REEP1: variants seen among roughly 807,000 people sequenced by gnomAD.
REEP1 encodes receptor accessory protein 1.
In REEP1, 22 loss-of-function variants were observed where a neutral mutation model predicts 40.3. That is an observed-to-expected ratio of 0.55 (90% CI 0.39 to 0.78). The LOEUF is 0.78. Among genes scored for constraint, REEP1 ranks in the 30% least tolerant of loss-of-function variants. REEP1 has a pLI of 0.00. For missense variants in REEP1, 280 were observed against 361.1 expected (o/e 0.78, Z 1.82); for synonymous variants, 116 against 139.2 (o/e 0.83, Z 1.17).
chr2:86,295,038 T>A (rs539278688), intron 1 of REEP1, among the ~76,000 whole-genome samples: 489 of 151,090 alleles, frequency 3.2e-3, no homozygotes, highest in Middle Eastern at 0.017. Flanking sequence ...AAACCTATTT[T>A]AAAAAAAAAG....
chr2:86,321,129 A>T (rs934016876), intron 1 of REEP1, among the ~76,000 whole-genome samples: 1 of 152,196 alleles, frequency 6.6e-6, no homozygotes, highest in Non-Finnish European at 1.5e-5. Flanking sequence ...CAAAATGAAG[A>T]GACTTGAAAG....
At chr2:86,320,209 G>A (rs532782212) in intron 1 of REEP1, among the ~76,000 whole-genome samples, 1 of 152,206 alleles carries the variant, frequency 6.6e-6, no homozygotes, top group Non-Finnish European at 1.5e-5. Flanking sequence ...CAGGTGAAGA[G>A]GAAACCGTAT....
At chr2:86,236,573 G>A (rs937853913) in intron 5 of REEP1, among the ~76,000 whole-genome samples, 1 of 152,116 alleles carries the variant, frequency 6.6e-6, no homozygotes, top group African/African-American at 2.4e-5. Context: ...GCACTTTGGA[G>A]GATGAGGGGG....
chr2:86,218,508 C>G (rs144267056), intron 8 of REEP1, among the ~76,000 whole-genome samples: 1 of 152,358 alleles, frequency 6.6e-6, no homozygotes, highest in Non-Finnish European at 1.5e-5. Context: ...TGGACAGACA[C>G]TGAAAACGGA....
At chr2:86,265,214 G>A (rs1340605199) in intron 2 of REEP1, among the ~76,000 whole-genome samples, 1 of 152,216 alleles carries the variant, frequency 6.6e-6, no homozygotes, top group Non-Finnish European at 1.5e-5. Flanking sequence ...AAAGCTCAGA[G>A]TTGAGCAGAG....
At chr2:86,312,059 G>A (rs1402513624) in intron 1 of REEP1, among the ~76,000 whole-genome samples, 1 of 152,030 alleles carries the variant, frequency 6.6e-6, no homozygotes, top group Non-Finnish European at 1.5e-5. Flanking sequence ...GCCAAGACTC[G>A]GGTTCAGCCC....
At chr2:86,334,342 T>C (rs1221047046) in intron 1 of REEP1, among the ~76,000 whole-genome samples, 1 of 152,132 alleles carries the variant, frequency 6.6e-6, no homozygotes, top group Admixed American at 6.5e-5. Context: ...TACATGTTCT[T>C]TGATGTGACA....
rs540194528 is a variant in REEP1, at chr2:86,232,638, G to A, written c.582C>T (p.Ser194=). The change falls in exon 6 of 9, where the codon AGC becomes AGT. Residue 194 remains serine, a synonymous_variant. Coordinates refer to ENST00000538924, the MANE Select transcript of REEP1 (RefSeq NM_001371279.1). The part of the protein sequence containing the change: ...QPKMSRSASE[S]ASSSVCTCCS... ...AGTGACACCTACCTGAGCTGCTAGC[G>A]CTCTCAGAAGCACTCCTGGACATCT... 500 of 1,612,852 alleles carry A rather than the reference G, an allele frequency of 3.1e-4. 8 individuals carry two copies. In the South Asian group the frequency reaches 4.7e-3, roughly 15 times the overall value.
chr2:86,265,008 G>A (rs1337950151), intron 2 of REEP1, among the ~76,000 whole-genome samples: 2 of 152,064 alleles, frequency 1.3e-5, no homozygotes, highest in Admixed American at 6.5e-5. Flanking sequence ...TGCTGGAAGT[G>A]GACAGAGAAA....
chr2:86,298,874 G>GA (rs1213497132), intron 1 of REEP1, among the ~76,000 whole-genome samples: 1 of 152,220 alleles, frequency 6.6e-6, no homozygotes, highest in African/African-American at 2.4e-5. Context: ...CAGCAAGGCA[G>GA]AGTGCTGACC....
intron 1 of REEP1, among the ~76,000 whole-genome samples, chr2:86,287,097 A>T (rs1411898825): frequency 6.6e-6 from 1 of 151,384 alleles, no homozygotes; most frequent in Non-Finnish European, 1.5e-5. Context: ...TTATTTCATA[A>T]TTTTTTTTTG....
intron 2 of REEP1, among the ~76,000 whole-genome samples, chr2:86,279,429 A>G (rs1329461769): frequency 6.6e-6 from 1 of 152,236 alleles, no homozygotes; most frequent in African/African-American, 2.4e-5. Context: ...ATGTGGCAAC[A>G]GAGTGGGAAA....
At chr2:86,334,899 T>C (rs924909481) in intron 1 of REEP1, among the ~76,000 whole-genome samples, 2 of 152,188 alleles carry the variant, frequency 1.3e-5, no homozygotes, top group African/African-American at 4.8e-5. Flanking sequence ...TGGAAATCTT[T>C]GCAACAGCAA....
At chr2:86,225,637 G>A (rs1290880795) in intron 7 of REEP1, among the ~76,000 whole-genome samples, 1 of 152,238 alleles carries the variant, frequency 6.6e-6, no homozygotes, top group Non-Finnish European at 1.5e-5. Flanking sequence ...ATAAAGCAAT[G>A]CAGGGAAAAC....
rs777346087 is a variant in REEP1 at position 86,251,917 on chromosome 2, G to T, written c.417+40C>A. ...GGTGATGAGCAGGGCACACTAGAGGGACTGAGACTCATGTAGTTGTGGTAC... is the reference window on the plus strand; with the variant it reads ...GGTGATGAGCAGGGCACACTAGAGGTACTGAGACTCATGTAGTTGTGGTAC... On this transcript the variant is annotated intron_variant, in intron 5 of 8. Transcript: ENST00000538924. 4.4e-6 allele frequency: 6 copies of T among 1,361,474 alleles called. No homozygotes were observed. The East Asian group carries it at 1.1e-4, about 26-fold the overall frequency. The allele number at this position is 1,361,474 out of a possible 1,614,324, so 84.3% of individuals were successfully genotyped here.
chr2:86,245,021 CT>C (rs1273934620), intron 5 of REEP1, among the ~76,000 whole-genome samples: 3 of 152,162 alleles, frequency 2.0e-5, no homozygotes, highest in Non-Finnish European at 4.4e-5. Flanking sequence ...GGGCAGGCAC[CT>C]GTAATCCCAG....
intron 6 of REEP1, among the ~76,000 whole-genome samples, chr2:86,230,220 C>T (rs1453381965): frequency 1.3e-5 from 2 of 152,252 alleles, no homozygotes; most frequent in African/African-American, 2.4e-5. Flanking sequence ...TGCTTTTCTA[C>T]CTGATGCTGG....
At chr2:86,311,465 C>T (rs1470695802) in intron 1 of REEP1, among the ~76,000 whole-genome samples, 1 of 152,098 alleles carries the variant, frequency 6.6e-6, no homozygotes, top group Admixed American at 6.5e-5. Flanking sequence ...TCATGAGGGC[C>T]ACGTTCCCTC....
At chr2:86,280,902 T>A (rs1479356273) in intron 2 of REEP1, among the ~76,000 whole-genome samples, 2 of 152,176 alleles carry the variant, frequency 1.3e-5, no homozygotes, top group African/African-American at 4.8e-5. Flanking sequence ...CACCTTGAAT[T>A]GTTTCTTTAC....
Sources: allele counts gnomAD v4.1 joint callset (sites outside exome capture counted in the v4.1 genomes callset), GRCh38; gene constraint gnomAD v4.1.1; transcripts MANE v1.5; gene names NCBI Gene and HGNC (gene_info 2026-07-23, HGNC 2026-07-21).